The following SCGB2B2 variants were observed in gnomAD, a reference collection of about 807,000 sequenced individuals.
The protein encoded by SCGB2B2 is secretoglobin-like protein.
In SCGB2B2, 11 loss-of-function variants were observed where a neutral mutation model predicts 7.6. That is an observed-to-expected ratio of 1.45 (90% CI 0.91 to 2.40). The LOEUF (loss-of-function observed/expected upper bound fraction) is 2.40. Among genes scored for constraint, SCGB2B2 ranks in the 30% most tolerant of loss-of-function variants. The pLI is 0.00. For missense variants in SCGB2B2, 104 were observed against 115.4 expected, an observed-to-expected ratio of 0.90 and a Z score of 0.45; for synonymous variants, 50 against 48.6, an observed-to-expected ratio of 1.03 and a Z score of -0.12.
chr19:34,647,676 C>G (rs2067057088), intron 1 of SCGB2B2, among the ~76,000 whole-genome samples: 1 of 152,212 alleles, frequency 6.6e-6, no homozygotes, highest in African/African-American at 2.4e-5. Flanking sequence ...GGCCTTTTCC[C>G]AGAGCCGGAC....
chr19:34,657,118 G>T (rs2067304282), intron 1 of SCGB2B2, among the ~76,000 whole-genome samples: 1 of 151,188 alleles, frequency 6.6e-6, no homozygotes, highest in African/African-American at 2.5e-5. Context: ...TTTTCTATAT[G>T]GCAGCACGAA....
intron 1 of SCGB2B2, among the ~76,000 whole-genome samples, chr19:34,649,698 A>C (rs1442419382): frequency 2.6e-5 from 4 of 151,948 alleles, no homozygotes; most frequent in Non-Finnish European, 5.9e-5. Context: ...AAAATACCAA[A>C]AAAATTTTAG....
At chr19:34,604,980 C>G (rs1023387304) in intron 1 of SCGB2B2, among the ~76,000 whole-genome samples, 2 of 152,178 alleles carry the variant, frequency 1.3e-5, no homozygotes, top group African/African-American at 4.8e-5. Flanking sequence ...TGAACAGATT[C>G]ATCTCTTATG....
intron 1 of SCGB2B2, among the ~76,000 whole-genome samples, chr19:34,669,122 GAACT>G (rs1364043215): frequency 3.3e-5 from 5 of 152,126 alleles, no homozygotes; most frequent in African/African-American, 1.2e-4. Flanking sequence ...CCACCAGGAG[GAACT>G]AACAACTCCA....
rs8106206 is a variant in SCGB2B2, at chr19:34,660,930, A to G, written c.-2032+14700T>C. On this transcript the variant is annotated intron_variant, in intron 1 of 3. Transcript: ENST00000601241. Reference sequence around the variant, plus strand: ...AAAATGTGGCACATATACACCATGGAATACTATGCAGCCATAAGAATGGAT... The same window carrying G: ...AAAATGTGGCACATATACACCATGGGATACTATGCAGCCATAAGAATGGAT... Among the ~76,000 whole-genome samples, 252 of 152,330 alleles carry G rather than the reference A, an allele frequency of 1.7e-3. 2 individuals carry two copies. Among genetic ancestry groups the G allele is most frequent in the African/African-American group, 5.6e-3 (233 of 41,564 alleles).
intron 1 of SCGB2B2, among the ~76,000 whole-genome samples, chr19:34,621,640 T>A (rs1270281): frequency 0.86 from 131,587 of 152,206 alleles, 57,553 homozygotes; most frequent in African/African-American, 0.93. Context: ...TTGGATATCC[T>A]CTTTTAATTA....
chr19:34,610,109 A>G (rs1001611023), intron 1 of SCGB2B2, among the ~76,000 whole-genome samples: 3 of 151,436 alleles, frequency 2.0e-5, no homozygotes, highest in African/African-American at 7.3e-5. Context: ...TTCCTTTACT[A>G]ATTTGTTGCT....
At chr19:34,626,734 T>C (rs992252676) in intron 1 of SCGB2B2, among the ~76,000 whole-genome samples, 4 of 152,046 alleles carry the variant, frequency 2.6e-5, no homozygotes, top group African/African-American at 9.7e-5. Flanking sequence ...CAGGCCAACA[T>C]TCAAACTCAG....
intron 1 of SCGB2B2, among the ~76,000 whole-genome samples, chr19:34,631,839 A>G (rs529807106): frequency 1.3e-5 from 2 of 152,198 alleles, no homozygotes; most frequent in Admixed American, 6.5e-5. Flanking sequence ...AAAAATTTGA[A>G]AAGAAGTACA....
intron 1 of SCGB2B2, among the ~76,000 whole-genome samples, chr19:34,673,644 AATT>A (rs1194887127): frequency 6.6e-6 from 1 of 152,224 alleles, no homozygotes; most frequent in East Asian, 1.9e-4. Context: ...GAATAAAAAA[AATT>A]ATTACAGTAT....
At chr19:34,602,128 T>C (rs2065643636) in intron 1 of SCGB2B2, among the ~76,000 whole-genome samples, 1 of 152,194 alleles carries the variant, frequency 6.6e-6, no homozygotes, top group South Asian at 2.1e-4. Context: ...TATTTCTGTC[T>C]TCTAAGAGCA....
chr19:34,652,335 A>G (rs1358210802), intron 1 of SCGB2B2, among the ~76,000 whole-genome samples: 1 of 151,288 alleles, frequency 6.6e-6, no homozygotes, highest in Non-Finnish European at 1.5e-5. Flanking sequence ...GAGAGAAGAG[A>G]CAACTTGCAG....
chr19:34,599,610 T>C (rs527782402), intron 1 of SCGB2B2, among the ~76,000 whole-genome samples: 6 of 152,226 alleles, frequency 3.9e-5, no homozygotes, highest in African/African-American at 1.2e-4. Context: ...CAATGATCTC[T>C]CACTAGGTGC....
chr19:34,647,095 C>T (rs1383257659), intron 1 of SCGB2B2, among the ~76,000 whole-genome samples: 1 of 151,756 alleles, frequency 6.6e-6, no homozygotes, highest in East Asian at 1.9e-4. Context: ...CAGGCCTCAG[C>T]GTCCCCATAA....
chr19:34,628,284 A>T, intron 1 of SCGB2B2, among the ~76,000 whole-genome samples: 1 of 152,212 alleles, frequency 6.6e-6, no homozygotes, highest in Admixed American at 6.5e-5. Flanking sequence ...GCAGAACTGA[A>T]GAAGATAGAG....
At chr19:34,636,917 A>T (rs1216670218) in intron 1 of SCGB2B2, among the ~76,000 whole-genome samples, 1 of 152,140 alleles carries the variant, frequency 6.6e-6, no homozygotes, top group Non-Finnish European at 1.5e-5. Context: ...CAACTACCTG[A>T]GTCTGGGAAG....
intron 1 of SCGB2B2, among the ~76,000 whole-genome samples, chr19:34,641,011 G>T (rs943072982): frequency 1.3e-5 from 2 of 151,910 alleles, no homozygotes; most frequent in East Asian, 3.9e-4. Flanking sequence ...TAATGCCCTA[G>T]CCCAGCAACC....
intron 1 of SCGB2B2, among the ~76,000 whole-genome samples, chr19:34,667,245 A>G (rs1215241081): frequency 1.3e-5 from 2 of 151,852 alleles, no homozygotes; most frequent in African/African-American, 2.4e-5. Context: ...GCCCTCTGAT[A>G]CTCAACCTCT....
At chr19:34,624,914 G>C (rs181552684) in intron 1 of SCGB2B2, among the ~76,000 whole-genome samples, 224 of 152,286 alleles carry the variant, frequency 1.5e-3, no homozygotes, top group African/African-American at 5.1e-3. Context: ...CCAGTGTTTT[G>C]TTTGATCTTA....
Sources: allele counts gnomAD v4.1 joint callset (sites outside exome capture counted in the v4.1 genomes callset), GRCh38; gene constraint gnomAD v4.1.1; transcripts MANE v1.5; gene names NCBI Gene and HGNC (gene_info 2026-07-23, HGNC 2026-07-21).